EPHB1: variants seen among roughly 807,000 people sequenced by gnomAD.
EPHB1 encodes ephrin type-B receptor 1.
EPHB1 carries 30 observed loss-of-function variants against 94.4 expected under a neutral mutation model. The ratio of observed to expected loss-of-function variants is 0.32; its 90% CI spans 0.24 to 0.43. The LOEUF (loss-of-function observed/expected upper bound fraction) is 0.43. Among genes scored for constraint, EPHB1 ranks in the 20% least tolerant of loss-of-function variants. The probability of loss-of-function intolerance (pLI) is 1.00; values close to 1 mark genes in which losing one functional copy is unlikely to be tolerated. For missense variants in EPHB1, 1,055 were observed against 1,308.3 expected (o/e 0.81, Z 2.99); for synonymous variants, 522 against 489.1 (o/e 1.07, Z -0.89).
intron 1 of EPHB1, among the ~76,000 whole-genome samples, chr3:134,885,380 C>A (rs1320618016): frequency 6.6e-6 from 1 of 152,226 alleles, no homozygotes; most frequent in East Asian, 1.9e-4. Flanking sequence ...GTAGACACCA[C>A]TGCAGAATGA....
chr3:134,996,861 A>G (rs549936940), intron 3 of EPHB1, among the ~76,000 whole-genome samples: 2 of 152,156 alleles, frequency 1.3e-5, no homozygotes, highest in South Asian at 4.1e-4. Context: ...TTTGTCATGT[A>G]TATTTCATTT....
chr3:135,161,729 G>A (rs1941512005), intron 6 of EPHB1, among the ~76,000 whole-genome samples: 1 of 152,150 alleles, frequency 6.6e-6, no homozygotes, highest in Non-Finnish European at 1.5e-5. Flanking sequence ...TGGGGAGGAG[G>A]ACTAGAGAAT....
rs752227221 is a variant in EPHB1, at chr3:134,986,715, C to CACACACACACACACACACAA, written c.805+34682_805+34683insAACACACACACACACACACA. Among the ~76,000 whole-genome samples, 14 of 144,420 alleles carry CACACACACACACACACACAA rather than the reference C, an allele frequency of 9.7e-5. 1 individual carries two copies. The highest frequency in any genetic ancestry group is 3.5e-4 in the African/African-American group (14 of 39,592). The allele number at this position is 144,420 out of a possible 152,430, so 94.7% of individuals were successfully genotyped here. On this transcript the variant is annotated intron_variant, in intron 3 of 15. Coordinates refer to ENST00000398015, the MANE Select transcript of EPHB1 (RefSeq NM_004441.5). ...AACTTTTGATTTAAAGATATTAACA[C>CACACACACACACACACACAA]ACACACACACACACACACACACACA...
intron 1 of EPHB1, among the ~76,000 whole-genome samples, chr3:134,879,230 T>G (rs934567880): frequency 6.6e-6 from 1 of 152,162 alleles, no homozygotes; most frequent in African/African-American, 2.4e-5. Flanking sequence ...GCCCAGCTCT[T>G]AGGATTCTCT....
At chr3:134,989,652 A>G (rs1013498233) in intron 3 of EPHB1, among the ~76,000 whole-genome samples, 3 of 152,232 alleles carry the variant, frequency 2.0e-5, no homozygotes, top group African/African-American at 7.2e-5. Flanking sequence ...AACTAATTTT[A>G]GAAAGATGTG....
intron 1 of EPHB1, among the ~76,000 whole-genome samples, chr3:134,812,444 A>G (rs1266143900): frequency 6.6e-6 from 1 of 152,174 alleles, no homozygotes; most frequent in South Asian, 2.1e-4. Flanking sequence ...GGCATGTGTT[A>G]TACTTTCTTT....
intron 12 of EPHB1, among the ~76,000 whole-genome samples, chr3:135,234,903 T>C (rs537661367): frequency 4.6e-5 from 7 of 152,140 alleles, no homozygotes; most frequent in Non-Finnish European, 8.8e-5. Context: ...CAATTCAAGA[T>C]GAGATTTGGG....
intron 4 of EPHB1, among the ~76,000 whole-genome samples, chr3:135,107,360 C>G (rs1424466723): frequency 6.6e-6 from 1 of 152,204 alleles, no homozygotes; most frequent in Non-Finnish European, 1.5e-5. Context: ...CAATATTCTC[C>G]CCAATAATTG....
At chr3:135,150,408 G>A (rs192429007) in intron 5 of EPHB1, among the ~76,000 whole-genome samples, 3 of 152,260 alleles carry the variant, frequency 2.0e-5, no homozygotes, top group East Asian at 3.9e-4. Context: ...AAACTGCCTC[G>A]CCTTCCCTGA....
chr3:134,989,960 C>T (rs2107737442), intron 3 of EPHB1, among the ~76,000 whole-genome samples: 1 of 152,286 alleles, frequency 6.6e-6, no homozygotes, highest in Non-Finnish European at 1.5e-5. Context: ...TTCCCCACCT[C>T]CCAATTTTTA....
At chr3:134,909,323 A>G (rs541443177) in intron 1 of EPHB1, among the ~76,000 whole-genome samples, 1 of 152,344 alleles carries the variant, frequency 6.6e-6, no homozygotes, top group Non-Finnish European at 1.5e-5. Flanking sequence ...GGAACCAGCT[A>G]ACAAGAAAAT....
chr3:134,795,572 C>T lies in EPHB1; in HGVS notation c.-60C>T, dbSNP rs2035806328. On this transcript the variant is annotated 5_prime_UTR_variant, in exon 1 of 16. Coordinates refer to ENST00000398015, the MANE Select transcript of EPHB1 (RefSeq NM_004441.5). ...GAGAGCGCAGCGGCGCCCTGGGACGCGGCGCTCTCCCGGCGCTGCTGCCTC... is the reference window on the plus strand; with the variant it reads ...GAGAGCGCAGCGGCGCCCTGGGACGTGGCGCTCTCCCGGCGCTGCTGCCTC... 1.9e-6 allele frequency: 3 copies of T among 1,544,514 alleles called. No individual in the cohort carries two copies. Among genetic ancestry groups the T allele is most frequent in the African/African-American group, 2.8e-5 (2 of 70,560 alleles).
chr3:135,208,371 CCGAA>C (rs1451195914), intron 12 of EPHB1, among the ~76,000 whole-genome samples: 1 of 149,186 alleles, frequency 6.7e-6, no homozygotes, highest in Non-Finnish European at 1.5e-5. Context: ...CACGTGTGGC[CCGAA>C]AGTGATGGAT....
At chr3:135,006,821 G>GT (rs11334891) in intron 3 of EPHB1, among the ~76,000 whole-genome samples, 149 of 149,868 alleles carry the variant, frequency 9.9e-4, no homozygotes, top group Admixed American at 1.9e-3. Flanking sequence ...ATGATGCCAA[G>GT]TTTTTTTTTT....
At chr3:135,252,685 C>T (rs75922751) in intron 15 of EPHB1, among the ~76,000 whole-genome samples, 3,570 of 112,524 alleles carry the variant, frequency 0.032, 75 homozygotes, top group East Asian at 0.059. Context: ...TACGTTTGCA[C>T]GTGTCTTTAT....
chr3:135,001,094 C>G (rs574946322), intron 3 of EPHB1, among the ~76,000 whole-genome samples: 1 of 152,268 alleles, frequency 6.6e-6, no homozygotes, highest in East Asian at 1.9e-4. Context: ...GAGGCCTTTC[C>G]TGATTGAGTG....
At chr3:135,094,768 T>C (rs1027146465) in intron 3 of EPHB1, among the ~76,000 whole-genome samples, 2 of 152,154 alleles carry the variant, frequency 1.3e-5, no homozygotes, top group Non-Finnish European at 1.5e-5. Context: ...AACCAGCCCA[T>C]GGGGCTCTCA....
intron 1 of EPHB1, among the ~76,000 whole-genome samples, chr3:134,878,530 T>G (rs1224354991): frequency 6.6e-6 from 1 of 152,238 alleles, no homozygotes; most frequent in Non-Finnish European, 1.5e-5. Flanking sequence ...TGCTGAGGAC[T>G]GGGCTCCTGG....
intron 3 of EPHB1, among the ~76,000 whole-genome samples, chr3:134,998,043 G>A (rs1935051107): frequency 6.6e-6 from 1 of 152,210 alleles, no homozygotes; most frequent in Admixed American, 6.5e-5. Context: ...ATCAATGTGT[G>A]TAGGTCTTAG....
Sources: allele counts gnomAD v4.1 joint callset (sites outside exome capture counted in the v4.1 genomes callset), GRCh38; gene constraint gnomAD v4.1.1; transcripts MANE v1.5; gene names NCBI Gene and HGNC (gene_info 2026-07-23, HGNC 2026-07-21).